PPHLN1: variants seen among roughly 807,000 people sequenced by gnomAD.
PPHLN1 encodes the protein periphilin 1, also known as periphilin-1.
A neutral mutation model predicts 51.3 loss-of-function variants in PPHLN1; 29 were observed. The ratio of observed to expected loss-of-function variants is 0.57; its 90% CI spans 0.42 to 0.77. The LOEUF (loss-of-function observed/expected upper bound fraction) is 0.77, where lower values mean the gene tolerates loss of function less well. Ranked by LOEUF, PPHLN1 falls within the 30% of genes least tolerant of loss-of-function variation. The pLI, the probability that PPHLN1 is intolerant of heterozygous loss-of-function variation, is 0.00. For synonymous variants in PPHLN1, 147 were observed against 147.8 expected (o/e 0.99, Z 0.04); for missense variants, 436 against 438.4 (o/e 0.99, Z 0.05).
At chr12:42,411,700 T>C in intron 9 of PPHLN1, among the ~76,000 whole-genome samples, 1 of 136,910 alleles carries the variant, frequency 7.3e-6, no homozygotes, top group African/African-American at 2.8e-5. Context: ...AGGTCAGGAG[T>C]TCAAGACCAG....
downstream of PPHLN1, chr12:42,446,377 C>T: frequency 1.3e-6 from 2 of 1,482,628 alleles, no homozygotes; most frequent in Non-Finnish European, 1.8e-6. Flanking sequence ...TGCCTTTTTT[C>T]AGCCCTATTC....
At chr12:42,426,083 C>T (rs2081427980) in intron 9 of PPHLN1, among the ~76,000 whole-genome samples, 1 of 151,972 alleles carries the variant, frequency 6.6e-6, no homozygotes, top group African/African-American at 2.4e-5. Flanking sequence ...TTAGTGGCAT[C>T]CCTGAAGCTA....
At chr12:42,415,314 G>A (rs1254286302) in intron 9 of PPHLN1, among the ~76,000 whole-genome samples, 1 of 152,150 alleles carries the variant, frequency 6.6e-6, no homozygotes. Flanking sequence ...TGGGATTACA[G>A]GCGCATGCCA....
At chr12:42,345,256 G>T (rs188106573) in intron 2 of PPHLN1, among the ~76,000 whole-genome samples, 1 of 152,178 alleles carries the variant, frequency 6.6e-6, no homozygotes, top group East Asian at 1.9e-4. Context: ...CACTTAGAGG[G>T]TCTTGTAGTA....
chr12:42,399,438 A>G (rs2078586494), intron 9 of PPHLN1: 1 of 928,982 alleles, frequency 1.1e-6, no homozygotes, highest in Non-Finnish European at 1.3e-6. Context: ...TTTTTAGTGA[A>G]GTCATTCTGA....
At chr12:42,432,193 C>T in intron 9 of PPHLN1, 1 of 827,060 alleles carries the variant, frequency 1.2e-6, no homozygotes. Flanking sequence ...TGTCTTTACC[C>T]TCAGATTCTA....
rs1419900845 is a variant in PPHLN1 at position 42,398,865 on chromosome 12, A to T, written c.780A>T (p.Thr260=). The T allele has an allele frequency of 6.2e-7, 1 of 1,613,486 alleles. No individual in the cohort carries two copies. Among genetic ancestry groups the T allele is most frequent in the Non-Finnish European group, 8.5e-7 (1 of 1,179,820 alleles). ...PEISEYEAGS[T]APLFTDQPEE... ...AATTCCTTTTCAAGGCGGGATCCAC[A>T]GCACCATTGTTTACTGACCAGCCAG... Residue 260 remains threonine, a synonymous_variant, in exon 9 of 10, where the codon ACA becomes ACT. Transcript: ENST00000358314.
At chr12:42,348,276 A>ATT (rs1213561958) in intron 2 of PPHLN1, among the ~76,000 whole-genome samples, 7,144 of 85,480 alleles carry the variant, frequency 0.084, 496 homozygotes, top group African/African-American at 0.14. Context: ...CACCTGGCTA[A>ATT]TTTTTTTTTT....
chr12:42,413,623 G>C (rs1311585853), intron 9 of PPHLN1, among the ~76,000 whole-genome samples: 1 of 151,086 alleles, frequency 6.6e-6, no homozygotes, highest in East Asian at 1.9e-4. Context: ...GTGCAGTGGC[G>C]CCATCTCGGC....
downstream of PPHLN1, chr12:42,445,494 C>T (rs2083262737): frequency 4.8e-6 from 1 of 209,420 alleles, no homozygotes; most frequent in Non-Finnish European, 9.6e-6. Flanking sequence ...CACCTATTCT[C>T]ACCTAATTAG....
Position 42,392,734 on chromosome 12 carries a change from T to C in PPHLN1, c.649-836T>C, listed in dbSNP as rs185051138. Among the ~76,000 whole-genome samples, 205 of 152,332 alleles carry C rather than the reference T, an allele frequency of 1.3e-3. 1 individual carries two copies. Among genetic ancestry groups the C allele is most frequent in the African/African-American group, 4.8e-3 (200 of 41,568 alleles). Reference sequence around the variant, plus strand: ...ACATTTTACTTTCTTCATTTTTATATTGAGCCCATTGGCTGATTGATTTTC... The same window carrying C: ...ACATTTTACTTTCTTCATTTTTATACTGAGCCCATTGGCTGATTGATTTTC... On this transcript the variant is annotated intron_variant, in intron 7 of 9. Transcript: ENST00000358314.
chr12:42,422,540 T>C (rs985302978), intron 9 of PPHLN1, among the ~76,000 whole-genome samples: 1 of 152,238 alleles, frequency 6.6e-6, no homozygotes, highest in Non-Finnish European at 1.5e-5. Context: ...AGATTTTTAT[T>C]TCTGGCTTTC....
In PPHLN1 at chr12:42,442,041, G is replaced by A. The variant is rs1394754983; in HGVS notation, c.*532G>A. On this transcript the variant is annotated 3_prime_UTR_variant, in exon 10 of 10. Coordinates refer to ENST00000358314, the MANE Select transcript of PPHLN1 (RefSeq NM_201439.2). ...TGAGAGATACCTCAGAAAAAAATCC[G>A]TTTTTCCAAGTAATGAACTCAGTGT... 4.8e-5 allele frequency: 42 copies of A among 876,186 alleles called. No homozygotes were observed. The highest frequency in any genetic ancestry group is 6.2e-5 in the Admixed American group (1 of 16,114). 54.3% of individuals were successfully genotyped at this position (876,186 alleles called of 1,614,324 possible). A position where few individuals can be genotyped will look rare whatever the true frequency, so the allele number is the denominator to read the frequency against.
At chr12:42,360,459 T>C (rs919273845) in intron 4 of PPHLN1, among the ~76,000 whole-genome samples, 2 of 8,844 alleles carry the variant, frequency 2.3e-4, no homozygotes, top group Non-Finnish European at 3.8e-4. Context: ...TGCTGAATTC[T>C]TTTTTTTTTT....
chr12:42,334,182 C>T (rs1055346054), intron 1 of PPHLN1, among the ~76,000 whole-genome samples: 7 of 152,110 alleles, frequency 4.6e-5, no homozygotes, highest in Non-Finnish European at 8.8e-5. Context: ...TTCCATAGTT[C>T]TTGCACCTAA....
At chr12:42,348,276 A>ATTTTT (rs1213561958) in intron 2 of PPHLN1, among the ~76,000 whole-genome samples, 1,366 of 85,570 alleles carry the variant, frequency 0.016, 74 homozygotes, top group African/African-American at 0.064. Flanking sequence ...CACCTGGCTA[A>ATTTTT]TTTTTTTTTT....
At chr12:42,414,481 T>G (rs2080187716) in intron 9 of PPHLN1, among the ~76,000 whole-genome samples, 1 of 152,242 alleles carries the variant, frequency 6.6e-6, no homozygotes, top group South Asian at 2.1e-4. Context: ...GTAGAAATCT[T>G]TCATCACTCT....
At chr12:42,340,967 T>TTTTC (rs200034060) in intron 2 of PPHLN1, among the ~76,000 whole-genome samples, 1 of 150,784 alleles carries the variant, frequency 6.6e-6, no homozygotes, top group South Asian at 2.1e-4. Context: ...CTCTCCCTTT[T>TTTTC]TTTCTTTCTT....
chr12:42,345,339 C>T (rs11181445), intron 2 of PPHLN1, among the ~76,000 whole-genome samples: 24,690 of 151,838 alleles, frequency 0.16, 2,060 homozygotes, highest in Admixed American at 0.2. Flanking sequence ...TGAAGTATAA[C>T]TTTCCAAAAG....
Sources: allele counts gnomAD v4.1 joint callset (sites outside exome capture counted in the v4.1 genomes callset), GRCh38; gene constraint gnomAD v4.1.1; transcripts MANE v1.5; gene names NCBI Gene and HGNC (gene_info 2026-07-23, HGNC 2026-07-21).